The following TBC1D22A variants were observed in gnomAD, a reference collection of about 807,000 sequenced individuals.
The protein encoded by TBC1D22A is putative GTPase activator.
TBC1D22A carries 38 observed loss-of-function variants against 60.2 expected under a neutral mutation model. The ratio of observed to expected loss-of-function variants is 0.63; its 90% CI spans 0.49 to 0.83. The LOEUF is 0.83. Among genes scored for constraint, TBC1D22A ranks in the 40% least tolerant of loss-of-function variants. TBC1D22A has a pLI of 0.00. For missense variants in TBC1D22A, 628 were observed against 701.0 expected (o/e 0.90, Z 1.18); for synonymous variants, 302 against 281.7 (o/e 1.07, Z -0.72).
intron 11 of TBC1D22A, among the ~76,000 whole-genome samples, chr22:47,091,049 G>T (rs1168191642): frequency 6.9e-6 from 1 of 144,910 alleles, no homozygotes; most frequent in African/African-American, 2.6e-5. Flanking sequence ...GTCTTTGGGG[G>T]GAGTGGCCTC....
intron 12 of TBC1D22A, among the ~76,000 whole-genome samples, chr22:47,163,868 A>T (rs1299765647): frequency 6.6e-6 from 1 of 152,234 alleles, no homozygotes; most frequent in Non-Finnish European, 1.5e-5. Flanking sequence ...GGACGCCAAG[A>T]GTCCAGTGGG....
chr22:47,173,505 T>C lies in TBC1D22A; in HGVS notation c.1433T>C (p.Leu478Pro), dbSNP rs755205214. ...ILEEKDFQELLLFLQNLPTAH... is the reference protein window; with the variant it reads ...ILEEKDFQELPLFLQNLPTAH... ...TTGTCTCTTTCTCCCCAGGAGCTGC[T>C]GCTCTTCCTCCAGAACCTGCCCACA... The change falls in exon 13 of 13, where the codon CTG becomes CCG. Residue 478 changes from leucine (L) to proline (P), a missense_variant. Transcript: ENST00000337137. 1 of 1,614,058 alleles carries C rather than the reference T, an allele frequency of 6.2e-7. No individual in the cohort carries two copies. Among genetic ancestry groups the C allele is most frequent in the Non-Finnish European group, 8.5e-7 (1 of 1,179,948 alleles).
At position 47,173,708 on chromosome 22, in the gene TBC1D22A, G is replaced by C; in HGVS notation, c.*82G>C. 1.9e-6 allele frequency: 3 copies of C among 1,591,476 alleles called. No homozygotes were observed. The South Asian group carries it at 3.3e-5, about 18-fold the overall frequency. On this transcript the variant is annotated 3_prime_UTR_variant, in exon 13 of 13. Transcript: ENST00000337137. ...GGCTGGTGGTAGGCCCCTGTGAGCTGGTCCCGGGCTGCTAAAAGGCCTTGT... is the reference window on the plus strand; with the variant it reads ...GGCTGGTGGTAGGCCCCTGTGAGCTCGTCCCGGGCTGCTAAAAGGCCTTGT...
At chr22:46,895,650 G>A (rs2068634147) in intron 7 of TBC1D22A, among the ~76,000 whole-genome samples, 1 of 152,226 alleles carries the variant, frequency 6.6e-6, no homozygotes, top group Non-Finnish European at 1.5e-5. Flanking sequence ...GGGATTACAG[G>A]TGTGAGCCAC....
At chr22:47,095,637 G>A (rs1019829587) in intron 11 of TBC1D22A, among the ~76,000 whole-genome samples, 1 of 152,224 alleles carries the variant, frequency 6.6e-6, no homozygotes, top group African/African-American at 2.4e-5. Context: ...TCCCAACTGG[G>A]AACTGAAGGA....
chr22:47,108,168 C>A (rs558800591), intron 11 of TBC1D22A, among the ~76,000 whole-genome samples: 77 of 152,310 alleles, frequency 5.1e-4, no homozygotes, highest in African/African-American at 1.8e-3. Flanking sequence ...TAAATATACT[C>A]CTACCATATG....
At chr22:47,146,935 C>T (rs1406874407) in intron 12 of TBC1D22A, among the ~76,000 whole-genome samples, 1 of 152,344 alleles carries the variant, frequency 6.6e-6, no homozygotes, top group South Asian at 2.1e-4. Flanking sequence ...TTAATTCACC[C>T]GTTCATTTGA....
chr22:46,940,396 A>G (rs957639994), intron 8 of TBC1D22A, among the ~76,000 whole-genome samples: 1 of 152,048 alleles, frequency 6.6e-6, no homozygotes, highest in Non-Finnish European at 1.5e-5. Flanking sequence ...GCACCAGCAC[A>G]CATATATATG....
At chr22:46,931,638 T>C (rs1444969867) in intron 8 of TBC1D22A, among the ~76,000 whole-genome samples, 1 of 152,170 alleles carries the variant, frequency 6.6e-6, no homozygotes, top group Non-Finnish European at 1.5e-5. Context: ...GGCGGCACCT[T>C]TGGGAATGTC....
In TBC1D22A at chr22:46,878,705, G is replaced by A; in HGVS notation, c.690G>A (p.Met230Ile). 1 of 1,613,138 alleles carries A rather than the reference G, an allele frequency of 6.2e-7. No individual in the cohort carries two copies. The highest frequency in any genetic ancestry group is 8.5e-7 in the Non-Finnish European group (1 of 1,179,844). The change falls in exon 5 of 13, where the codon ATG (methionine) becomes ATA (isoleucine). Residue 230 changes from methionine (M) to isoleucine (I), a missense_variant. By Grantham distance (10) the Met-to-Ile change is conservative. Transcript: ENST00000337137. Reference protein sequence around the residue: ...WSGIPKPVRPMTWKLLSGYLP... With the variant: ...WSGIPKPVRPITWKLLSGYLP... ...GAATCCCTAAGCCAGTGCGTCCAAT[G>A]ACGTGGAAGCTCCTCTCAGTAAGTC...
chr22:47,134,533 A>G (rs2066790525), intron 12 of TBC1D22A, among the ~76,000 whole-genome samples: 2 of 152,222 alleles, frequency 1.3e-5, no homozygotes, highest in Admixed American at 1.3e-4. Context: ...GGAGAGACAG[A>G]GTCACTTTTG....
At chr22:47,019,191 G>T (rs1431438490) in intron 10 of TBC1D22A, among the ~76,000 whole-genome samples, 1 of 152,216 alleles carries the variant, frequency 6.6e-6, no homozygotes, top group South Asian at 2.1e-4. Context: ...TGCGCTGGGT[G>T]GAGCGGGCAG....
chr22:46,870,265 T>C (rs2067241829), intron 4 of TBC1D22A, among the ~76,000 whole-genome samples: 1 of 152,254 alleles, frequency 6.6e-6, no homozygotes, highest in Non-Finnish European at 1.5e-5. Flanking sequence ...TTTGTTCCTC[T>C]ACCCTCTGCT....
At chr22:46,845,142 C>T (rs1430239279) in intron 4 of TBC1D22A, among the ~76,000 whole-genome samples, 2 of 152,282 alleles carry the variant, frequency 1.3e-5, no homozygotes, top group Admixed American at 6.5e-5. Context: ...TTTGTTGATC[C>T]GTGGAGGAAA....
At chr22:46,831,730 GAAACAATGC>G (rs1449250945) in intron 4 of TBC1D22A, among the ~76,000 whole-genome samples, 2 of 152,108 alleles carry the variant, frequency 1.3e-5, no homozygotes, top group Non-Finnish European at 2.9e-5. Flanking sequence ...AAAATAAATG[GAAACAATGC>G]ACCTATAAAT....
chr22:46,839,072 C>T (rs1284843627), intron 4 of TBC1D22A, among the ~76,000 whole-genome samples: 3 of 152,098 alleles, frequency 2.0e-5, no homozygotes, highest in Non-Finnish European at 2.9e-5. Context: ...GTGTGCAGTT[C>T]GCATGATCTT....
intron 10 of TBC1D22A, among the ~76,000 whole-genome samples, chr22:47,017,199 T>G (rs2061937412): frequency 6.6e-6 from 1 of 152,200 alleles, no homozygotes; most frequent in African/African-American, 2.4e-5. Flanking sequence ...ATTTTTTCCA[T>G]GGGAAGAAGG....
At chr22:47,053,092 G>A (rs1478041996) in intron 11 of TBC1D22A, among the ~76,000 whole-genome samples, 6 of 151,816 alleles carry the variant, frequency 4.0e-5, no homozygotes. Flanking sequence ...CAAGCATCGT[G>A]CCCACCACCA....
At chr22:46,871,410 C>T (rs746304735) in intron 4 of TBC1D22A, among the ~76,000 whole-genome samples, 6 of 152,204 alleles carry the variant, frequency 3.9e-5, no homozygotes, top group Admixed American at 6.5e-5. Context: ...TGATAATGCA[C>T]GTCCTTTTCA....
Sources: gnomAD v4.1 joint callset for allele counts (sites outside exome capture counted in the v4.1 genomes callset) on GRCh38, gnomAD v4.1.1 for gene constraint, MANE v1.5 for transcripts, NCBI Gene and HGNC (gene_info 2026-07-23, HGNC 2026-07-21) for gene names.